The following RIPOR2 variants were observed in gnomAD, a reference collection of about 807,000 sequenced individuals.
RIPOR2 encodes rho family-interacting cell polarization regulator 2.
In RIPOR2, 39 loss-of-function variants were observed where a neutral mutation model predicts 114.5. The observed-to-expected ratio is 0.34, with a 90% CI of 0.26 to 0.44. The LOEUF (loss-of-function observed/expected upper bound fraction) is 0.44, where lower values mean the gene tolerates loss of function less well. RIPOR2 is among the 20% of genes least tolerant of loss of function. The pLI is 1.00. For missense variants in RIPOR2, 1,007 were observed against 1,255.1 expected (o/e 0.80, Z 2.99); for synonymous variants, 445 against 484.4 (o/e 0.92, Z 1.07).
intron 1 of RIPOR2, chr6:24,976,535 G>T (rs1046058682): frequency 1.3e-5 from 21 of 1,591,714 alleles, no homozygotes; most frequent in Admixed American, 1.7e-5. Flanking sequence ...AATCCATAAA[G>T]CTATGTTAAC....
chr6:24,942,746 T>C (rs1772204090), intron 1 of RIPOR2, among the ~76,000 whole-genome samples: 1 of 152,242 alleles, frequency 6.6e-6, no homozygotes, highest in Non-Finnish European at 1.5e-5. Flanking sequence ...CTTTGCCCAC[T>C]TTTTGATGGG....
chr6:24,832,457 C>A (rs186963544), intron 15 of RIPOR2, 66 bp from the exon 16 acceptor site: 28 of 1,408,120 alleles, frequency 2.0e-5, no homozygotes, highest in Non-Finnish European at 2.7e-5. Flanking sequence ...TCTACCCAGC[C>A]TCATCCTTCC....
chr6:24,830,456 TG>T, intron 17 of RIPOR2, 52 bp downstream of exon 17: 5 of 928,598 alleles, frequency 5.4e-6, no homozygotes, highest in Admixed American at 2.3e-5. Context: ...CCCACCCCAA[TG>T]CCCACTCTCA....
intron 1 of RIPOR2, among the ~76,000 whole-genome samples, chr6:24,970,003 G>A (rs2114236576): frequency 6.6e-6 from 1 of 152,294 alleles, no homozygotes; most frequent in Admixed American, 6.5e-5. Context: ...CAAAATAAAT[G>A]AGTCTGGGGA....
At chr6:25,006,226 C>G (rs1476801767) in intron 1 of RIPOR2, among the ~76,000 whole-genome samples, 2 of 152,128 alleles carry the variant, frequency 1.3e-5, no homozygotes. Flanking sequence ...AATGCTCATG[C>G]CTCTTTCTGC....
chr6:24,839,604 T>A (rs1333351953), intron 13 of RIPOR2: 2 of 1,539,876 alleles, frequency 1.3e-6, no homozygotes, highest in African/African-American at 2.8e-5. Flanking sequence ...CTACTTCTGT[T>A]TGAAATTTTT....
At chr6:24,857,434 A>G (rs1763585238) in intron 8 of RIPOR2, among the ~76,000 whole-genome samples, 2 of 152,088 alleles carry the variant, frequency 1.3e-5, no homozygotes, top group Non-Finnish European at 2.9e-5. Context: ...GCGCTCACAT[A>G]TTACTGATCT....
intron 1 of RIPOR2, among the ~76,000 whole-genome samples, chr6:24,986,934 T>A (rs1050426111): frequency 6.9e-5 from 10 of 145,602 alleles, no homozygotes; most frequent in Non-Finnish European, 1.4e-4. Context: ...AAAAAAAAAA[T>A]TGCAAAAAAT....
At chr6:24,850,085 A>C in intron 10 of RIPOR2, 135 bp from the exon 11 acceptor site, 8 of 616,578 alleles carry the variant, frequency 1.3e-5, no homozygotes, top group South Asian at 3.0e-5. Flanking sequence ...GCGGATTTTC[A>C]TTTTTCTTTT....
At chr6:24,968,824 A>T (rs1043396409) in intron 1 of RIPOR2, among the ~76,000 whole-genome samples, 1 of 152,136 alleles carries the variant, frequency 6.6e-6, no homozygotes, top group Non-Finnish European at 1.5e-5. Flanking sequence ...TGCACAGTAC[A>T]GTCTTCAGCA....
intron 1 of RIPOR2, among the ~76,000 whole-genome samples, chr6:24,992,505 G>A (rs1461389721): frequency 6.6e-6 from 1 of 151,978 alleles, no homozygotes; most frequent in Non-Finnish European, 1.5e-5. Context: ...CTAGGAAAAC[G>A]GCTGACCAGG....
chr6:24,838,176 C>T (rs780846119), intron 14 of RIPOR2, among the ~76,000 whole-genome samples: 12 of 152,190 alleles, frequency 7.9e-5, no homozygotes, highest in Non-Finnish European at 1.5e-4. Context: ...GTCACATTCT[C>T]CACCTAGAGA....
chr6:24,887,761 C>T (rs1766967708), intron 1 of RIPOR2, among the ~76,000 whole-genome samples: 1 of 152,156 alleles, frequency 6.6e-6, no homozygotes, highest in African/African-American at 2.4e-5. Flanking sequence ...ATTGTAGGAA[C>T]TTCTAGATAA....
At chr6:25,033,635 C>T (rs1777102725) in intron 1 of RIPOR2, among the ~76,000 whole-genome samples, 1 of 152,168 alleles carries the variant, frequency 6.6e-6, no homozygotes, top group Non-Finnish European at 1.5e-5. Flanking sequence ...TATTCTAATT[C>T]CAGGGCAACA....
In RIPOR2 at chr6:24,840,910, G is replaced by C. The variant is rs190795382; in HGVS notation, c.1858-1638C>G. 1.6e-4 allele frequency: 131 copies of C among 824,484 alleles called. 1 individual carries two copies. The Admixed American group carries it at 3.1e-3, about 20-fold the overall frequency. 51.1% of individuals were successfully genotyped at this position (824,484 alleles called of 1,614,324 possible). On this transcript the variant is annotated intron_variant, in intron 13 of 21. Transcript: ENST00000643898. ...TTTTCAGCAGTCTCAGGGGGAGACA[G>C]GGAGTCGGTCTTGACTTCACCTACT...
Position 25,009,770 on chromosome 6 carries a change from A to G in RIPOR2, c.76+32081T>C, listed in dbSNP as rs558882070. On this transcript the variant is annotated intron_variant, in intron 1 of 13. Coordinates refer to the RIPOR2 transcript ENST00000510784. ...AATAGAATTCCAGAAATTCTTTATGATTATTTTTTGGGAGGAAAGCAGGAT... is the reference window on the plus strand; with the variant it reads ...AATAGAATTCCAGAAATTCTTTATGGTTATTTTTTGGGAGGAAAGCAGGAT... Among the ~76,000 whole-genome samples, 4 of 152,344 alleles carry G rather than the reference A, an allele frequency of 2.6e-5. No homozygotes were observed. In the East Asian group the frequency reaches 5.8e-4, roughly 22 times the overall value.
intron 13 of RIPOR2, chr6:24,840,261 CT>C: frequency 9.8e-7 from 1 of 1,018,800 alleles, no homozygotes; most frequent in Non-Finnish European, 1.2e-6. Context: ...ATAATTTTTC[CT>C]CTGAGGACTG....
intron 1 of RIPOR2, among the ~76,000 whole-genome samples, chr6:24,993,160 T>C (rs1184282449): frequency 6.6e-6 from 1 of 152,228 alleles, no homozygotes; most frequent in Non-Finnish European, 1.5e-5. Flanking sequence ...AGTGGCCTAC[T>C]TTATTAATTT....
upstream of RIPOR2, among the ~76,000 whole-genome samples, chr6:24,940,274 T>G (rs188968009): frequency 4.7e-3 from 722 of 152,252 alleles, 5 homozygotes; most frequent in African/African-American, 0.016. Flanking sequence ...GTGGAAAAAT[T>G]TCAACATCCA....
Sources: gnomAD v4.1 joint callset for allele counts (sites outside exome capture counted in the v4.1 genomes callset) on GRCh38, gnomAD v4.1.1 for gene constraint, MANE v1.5 for transcripts, NCBI Gene and HGNC (gene_info 2026-07-23, HGNC 2026-07-21) for gene names.